The following DMD variants were observed in gnomAD, a reference collection of about 807,000 sequenced individuals.
The protein encoded by DMD is dystrophin, also known as mutant dystrophin.
DMD carries 63 observed loss-of-function variants against 330.1 expected under a neutral mutation model. The observed-to-expected ratio is 0.19, with a 90% CI of 0.16 to 0.24. The LOEUF (loss-of-function observed/expected upper bound fraction) is 0.24, where lower values mean the gene tolerates loss of function less well. Among genes scored for constraint, DMD ranks in the 10% least tolerant of loss-of-function variants. The pLI is 1.00. For synonymous variants in DMD, 1,223 were observed against 959.8 expected (o/e 1.27, Z -5.07); for missense variants, 3,344 against 2,684.1 (o/e 1.25, Z -5.43).
intron 44 of DMD, among the ~76,000 whole-genome samples, chrX:32,212,577 T>G (rs2097097225): frequency 8.9e-6 from 1 of 112,121 alleles, no homozygotes; most frequent in Non-Finnish European, 1.9e-5. Context: ...CCAATCTTTC[T>G]GAGTCCAGCA....
chrX:33,285,585 C>T (rs1453862739), intron 1 of DMD, among the ~76,000 whole-genome samples: 1 of 111,766 alleles, frequency 8.9e-6, no homozygotes, highest in African/African-American at 3.2e-5. Context: ...TAATTTTTCT[C>T]CCTTCTCTGG....
At chrX:32,833,692 T>TAAAA (rs5902041) in intron 4 of DMD, among the ~76,000 whole-genome samples, 1 of 81,139 alleles carries the variant, frequency 1.2e-5, no homozygotes, top group Non-Finnish European at 2.4e-5. Flanking sequence ...TAATTTCAAG[T>TAAAA]AAAAAAAAAA....
intron 9 of DMD, among the ~76,000 whole-genome samples, chrX:32,684,960 T>C (rs1602990263): frequency 8.9e-6 from 1 of 111,934 alleles, no homozygotes; most frequent in African/African-American, 3.2e-5. Context: ...CAATACATGA[T>C]GCAAGAATTG....
chrX:32,969,582 C>G (rs760938789), intron 2 of DMD, among the ~76,000 whole-genome samples: 1 of 93,879 alleles, frequency 1.1e-5, no homozygotes, highest in Non-Finnish European at 2.0e-5. Flanking sequence ...TTGGCACAAA[C>G]GCATATTTGT....
At chrX:31,326,673 G>A (rs895368269) in intron 61 of DMD, among the ~76,000 whole-genome samples, 19 of 109,940 alleles carry the variant, frequency 1.7e-4, no homozygotes, top group Non-Finnish European at 9.5e-5. Context: ...CACACACACT[G>A]GAACTACTTG....
chrX:32,670,596 A>T (rs1371422056), intron 9 of DMD, among the ~76,000 whole-genome samples: 2 of 111,952 alleles, frequency 1.8e-5, no homozygotes, highest in African/African-American at 3.2e-5. Flanking sequence ...AATGAATGCT[A>T]CCTAAATTAT....
intron 20 of DMD, among the ~76,000 whole-genome samples, chrX:32,487,841 T>C (rs1330905346): frequency 8.9e-6 from 1 of 111,766 alleles, no homozygotes; most frequent in African/African-American, 3.2e-5. Context: ...AAACCAGTGC[T>C]AGAAAGTTGG....
chrX:32,731,532 G>A (rs1482525400), intron 7 of DMD, among the ~76,000 whole-genome samples: 3 of 112,442 alleles, frequency 2.7e-5, no homozygotes, highest in Non-Finnish European at 5.6e-5. Flanking sequence ...TTTGAAGAGA[G>A]CAGTGGTTCT....
At chrX:31,652,902 G>GA (rs1260821956) in intron 54 of DMD, among the ~76,000 whole-genome samples, 2 of 110,014 alleles carry the variant, frequency 1.8e-5, no homozygotes, top group African/African-American at 3.3e-5. Context: ...CAGCTGGATA[G>GA]AAAAAAAATG....
intron 2 of DMD, among the ~76,000 whole-genome samples, chrX:32,866,724 T>TTTTTGGC (rs1307416049): frequency 2.6e-5 from 1 of 38,413 alleles, no homozygotes; most frequent in South Asian, 1.5e-3. Context: ...CACTTTTTTT[T>TTTTTGGC]GGGGGGGGGT....
rs777189474 is a variant in DMD at position 31,510,531 on chromosome X, A to G, written c.8218-3078T>C. 1.9e-3 allele frequency among the ~76,000 whole-genome samples: 153 copies of G among 80,643 alleles called. 1 individual carries two copies. The highest frequency in any genetic ancestry group is 7.3e-3 in the African/African-American group (133 of 18,100). The allele number at this position is 80,643 out of a possible 115,157, so 70.0% of individuals were successfully genotyped here. On this transcript the variant is annotated intron_variant, in intron 55 of 78. Coordinates refer to ENST00000357033, the MANE Select transcript of DMD (RefSeq NM_004006.3). The stretch of plus-strand genomic sequence containing the variant: ...CTTTTTTTTTTTTTTTTTTTGAGAC[A>G]GAGTCTCGCTCTGTCACCCAGGCTG...
At chrX:32,515,875 T>C (rs2045811072) in intron 18 of DMD, among the ~76,000 whole-genome samples, 1 of 111,924 alleles carries the variant, frequency 8.9e-6, no homozygotes, top group South Asian at 3.7e-4. Context: ...AGAAGTCAGC[T>C]TTTAAATAAG....
intron 25 of DMD, among the ~76,000 whole-genome samples, chrX:32,461,730 T>C (rs905613175): frequency 1.8e-5 from 2 of 110,391 alleles, no homozygotes; most frequent in African/African-American, 6.6e-5. Context: ...ATTAAGAACA[T>C]TCAACAAACA....
intron 1 of DMD, among the ~76,000 whole-genome samples, chrX:33,126,019 A>G (rs1019347175): frequency 1.0e-5 from 1 of 97,258 alleles, no homozygotes. Flanking sequence ...AGCCTGGGTG[A>G]CAGAGCGAGA....
At chrX:31,762,077 T>C (rs1026133636) in intron 51 of DMD, among the ~76,000 whole-genome samples, 1 of 112,536 alleles carries the variant, frequency 8.9e-6, no homozygotes, top group African/African-American at 3.2e-5. Context: ...AAGTTAGGAA[T>C]GGTCACGTGA....
chrX:31,998,805 T>C (rs1354160670), intron 44 of DMD, among the ~76,000 whole-genome samples: 2 of 112,231 alleles, frequency 1.8e-5, no homozygotes, highest in African/African-American at 6.5e-5. Flanking sequence ...AAAAGAATAC[T>C]TATAAATTCT....
At chrX:32,776,287 C>A (rs1188541011) in intron 7 of DMD, among the ~76,000 whole-genome samples, 1 of 108,552 alleles carries the variant, frequency 9.2e-6, no homozygotes, top group Non-Finnish European at 1.9e-5. Flanking sequence ...TTCTGACCCC[C>A]CCCCCAAATT....
chrX:31,582,550 A>G (rs2148043080), intron 55 of DMD, among the ~76,000 whole-genome samples: 1 of 112,213 alleles, frequency 8.9e-6, no homozygotes, highest in East Asian at 2.8e-4. Flanking sequence ...ATGCAGAAAG[A>G]CCAGTGAACA....
At chrX:33,189,108 C>A (rs1345028978) in intron 1 of DMD, among the ~76,000 whole-genome samples, 2 of 111,571 alleles carry the variant, frequency 1.8e-5, no homozygotes, top group African/African-American at 6.5e-5. Flanking sequence ...CATTCTCATT[C>A]TCCCCTTTGT....
Sources: allele counts gnomAD v4.1 joint callset (sites outside exome capture counted in the v4.1 genomes callset), GRCh38; gene constraint gnomAD v4.1.1; transcripts MANE v1.5; gene names NCBI Gene and HGNC (gene_info 2026-07-23, HGNC 2026-07-21).